Variants in PLVAP observed in about 807,000 individuals in gnomAD.
PLVAP encodes the protein plasmalemma vesicle associated protein, also known as plasmalemma vesicle-associated protein.
In PLVAP, 34 loss-of-function variants were observed where a neutral mutation model predicts 43.1. That is an observed-to-expected ratio of 0.79 (90% CI 0.60 to 1.05). The LOEUF (loss-of-function observed/expected upper bound fraction) is 1.05. Among genes scored for constraint, PLVAP ranks in the 50% least tolerant of loss-of-function variants. The probability of loss-of-function intolerance (pLI) is 0.00; values close to 1 mark genes in which losing one functional copy is unlikely to be tolerated. For synonymous variants in PLVAP, 241 were observed against 237.3 expected (o/e 1.02, Z -0.14); for missense variants, 574 against 593.4 (o/e 0.97, Z 0.34).
At chr19:17,371,563 C>A (rs2074572245) in intron 1 of PLVAP, among the ~76,000 whole-genome samples, 1 of 151,996 alleles carries the variant, frequency 6.6e-6, no homozygotes, top group African/African-American at 2.4e-5. Context: ...GATCACAGCT[C>A]ACTGCAGCCT....
At chr19:17,353,044 C>G (rs369047058) in intron 5 of PLVAP, among the ~76,000 whole-genome samples, 16 of 152,256 alleles carry the variant, frequency 1.1e-4, no homozygotes, top group Middle Eastern at 3.2e-3. Context: ...TGCCCTCCCC[C>G]TCCTGGGCCT....
In PLVAP at chr19:17,360,774, A is replaced by C; in HGVS notation, c.1238T>G (p.Ile413Ser). The C allele has an allele frequency of 6.2e-7, 1 of 1,613,272 alleles. No homozygotes were observed. ...TGGCTCTGTCTTTTGTCACTCACCG[A>C]TGGGCTGGGGGTTGGGGACAGGGCC... ...PMGPVPNPQP[I>S]DPASLEEFKR... Residue 413 changes from isoleucine to serine, a missense_variant and splice_region_variant, in exon 4 of 6, where the codon ATC (isoleucine) becomes AGC (serine). Physicochemically the swap from Ile to Ser is moderately radical, Grantham distance 142. Coordinates refer to ENST00000252590, the MANE Select transcript of PLVAP (RefSeq NM_031310.3).
intron 1 of PLVAP, among the ~76,000 whole-genome samples, chr19:17,372,878 T>C (rs1489412057): frequency 4.1e-5 from 6 of 147,478 alleles, no homozygotes; most frequent in East Asian, 2.1e-4. Context: ...CTGGTTAACA[T>C]AGTGAAACCC....
rs144040520 is a variant in PLVAP, at chr19:17,361,549, C to T, written c.1180-717G>A. ...CCTACCGTGTAGACTAACTGGACCC[C>T]GATCCTAAATGCCACCCCTGGAATA... On this transcript the variant is annotated intron_variant, in intron 3 of 5. Coordinates refer to ENST00000252590, the MANE Select transcript of PLVAP (RefSeq NM_031310.3). Among the ~76,000 whole-genome samples the T allele has an allele frequency of 6.6e-5, 10 of 152,250 alleles. No individual in the cohort carries two copies. The East Asian group carries it at 1.2e-3, about 18-fold the overall frequency.
chr19:17,376,500 A>G (rs1315077647), intron 1 of PLVAP, among the ~76,000 whole-genome samples: 1 of 151,972 alleles, frequency 6.6e-6, no homozygotes, highest in Non-Finnish European at 1.5e-5. Flanking sequence ...TCTTAAGGAA[A>G]AAAAAAAAAT....
chr19:17,376,311 G>A (rs2074595121), intron 1 of PLVAP, among the ~76,000 whole-genome samples: 2 of 152,108 alleles, frequency 1.3e-5, no homozygotes, highest in Admixed American at 6.6e-5. Context: ...GCAACATAGT[G>A]AGACCTCATC....
At chr19:17,358,528 C>T (rs1448679966) in intron 5 of PLVAP, among the ~76,000 whole-genome samples, 1 of 152,170 alleles carries the variant, frequency 6.6e-6, no homozygotes, top group Non-Finnish European at 1.5e-5. Context: ...CAGGCCCTGA[C>T]TCCTCCGTCA....
At chr19:17,367,537 C>T (rs950281752) in intron 1 of PLVAP, among the ~76,000 whole-genome samples, 2 of 151,964 alleles carry the variant, frequency 1.3e-5, no homozygotes, top group African/African-American at 4.8e-5. Flanking sequence ...TACAGGCATG[C>T]GCCACAACAC....
At chr19:17,373,487 A>G (rs1454292687) in intron 1 of PLVAP, among the ~76,000 whole-genome samples, 1 of 151,968 alleles carries the variant, frequency 6.6e-6, no homozygotes, top group Non-Finnish European at 1.5e-5. Flanking sequence ...CTGAGGTCCT[A>G]TGGGAGGTCT....
intron 1 of PLVAP, among the ~76,000 whole-genome samples, chr19:17,367,599 G>T (rs35095592): frequency 0.49 from 74,089 of 151,888 alleles, 18,231 homozygotes; most frequent in African/African-American, 0.57. Context: ...ATGTTGGTCA[G>T]GCTGGTCTTG....
chr19:17,376,834 C>T, intron 1 of PLVAP, 86 bp downstream of exon 1: 1 of 1,309,546 alleles, frequency 7.6e-7, no homozygotes, highest in Non-Finnish European at 1.0e-6. Flanking sequence ...GATCGTCCCC[C>T]TCTCTTGGAT....
At chr19:17,355,049 C>T (rs1053687623) in intron 5 of PLVAP, among the ~76,000 whole-genome samples, 4 of 150,770 alleles carry the variant, frequency 2.7e-5, no homozygotes, top group African/African-American at 9.7e-5. Flanking sequence ...TGGTGAAACG[C>T]CATCTCTACT....
chr19:17,374,680 C>T (rs904041487), intron 1 of PLVAP, among the ~76,000 whole-genome samples: 3 of 151,614 alleles, frequency 2.0e-5, no homozygotes, highest in African/African-American at 7.3e-5. Flanking sequence ...GGCTGGAGTA[C>T]AGTGGCACTA....
intron 3 of PLVAP, among the ~76,000 whole-genome samples, chr19:17,364,153 T>C (rs955683609): frequency 6.6e-6 from 1 of 151,994 alleles, no homozygotes; most frequent in Non-Finnish European, 1.5e-5. Context: ...TGGCATGATA[T>C]TGACTCACTG....
intron 1 of PLVAP, among the ~76,000 whole-genome samples, chr19:17,375,242 G>A (rs1350330362): frequency 6.6e-6 from 1 of 152,100 alleles, no homozygotes; most frequent in East Asian, 1.9e-4. Flanking sequence ...ACAGGTGTGA[G>A]CTACTGTAGC....
chr19:17,352,442 G>C, intron 5 of PLVAP, 74 bp from the exon 6 acceptor site: 1 of 1,531,072 alleles, frequency 6.5e-7, no homozygotes, highest in Non-Finnish European at 9.0e-7. Context: ...GGGCCCTGGA[G>C]GCTCGTCCTC....
intron 5 of PLVAP, among the ~76,000 whole-genome samples, chr19:17,353,931 GT>G (rs11305904): frequency 0.74 from 112,116 of 151,900 alleles, 41,740 homozygotes; most frequent in Middle Eastern, 0.8. Context: ...CATCAGAGGC[GT>G]TAACAGTGAA....
intron 1 of PLVAP, among the ~76,000 whole-genome samples, chr19:17,368,766 A>G (rs1386820202): frequency 6.6e-6 from 1 of 152,126 alleles, no homozygotes; most frequent in Non-Finnish European, 1.5e-5. Context: ...TCACGAGGTC[A>G]AGAGTTCAAG....
Position 17,365,354 on chromosome 19 carries a change from C to A in PLVAP, c.1111G>T (p.Glu371Ter). 6.2e-7 allele frequency: 1 copy of A among 1,613,446 alleles called. No homozygotes were observed. Among genetic ancestry groups the A allele is most frequent in the Non-Finnish European group, 8.5e-7 (1 of 1,180,040 alleles). Residue 371 changes from glutamate (E) to a stop codon, truncating the protein, a stop_gained, in exon 3 of 6, where the codon GAG (glutamate) becomes TAG (stop). Transcript: ENST00000252590. LOFTEE classifies it high-confidence loss of function. ...AGCTCCATCCTGAGCTGCTCCGCCTCCCTCTTCTTCTCTTCCAGCTCCTTG... is the reference window on the plus strand; with the variant it reads ...AGCTCCATCCTGAGCTGCTCCGCCTACCTCTTCTTCTCTTCCAGCTCCTTG... Reference protein sequence around the residue: ...LAKELEEKKREAEQLRMELAI... With the variant: ...LAKELEEKKR
Sources: gnomAD v4.1 joint callset for allele counts (sites outside exome capture counted in the v4.1 genomes callset) on GRCh38, gnomAD v4.1.1 for gene constraint, MANE v1.5 for transcripts, NCBI Gene and HGNC (gene_info 2026-07-23, HGNC 2026-07-21) for gene names.